Variants in LRRC7 observed in about 807,000 individuals in gnomAD.
LRRC7 encodes leucine rich repeat containing 7.
In LRRC7, 23 loss-of-function variants were observed where a neutral mutation model predicts 175.7. The observed-to-expected ratio is 0.13, with a 90% CI of 0.09 to 0.19. The LOEUF (loss-of-function observed/expected upper bound fraction) is 0.19, where lower values mean the gene tolerates loss of function less well. Ranked by LOEUF, LRRC7 falls within the 10% of genes least tolerant of loss-of-function variation. The pLI is 1.00. For synonymous variants in LRRC7, 685 were observed against 680.9 expected (o/e 1.01, Z -0.09); for missense variants, 1,354 against 1,904.7 (o/e 0.71, Z 5.38).
intron 1 of LRRC7, among the ~76,000 whole-genome samples, chr1:69,600,360 G>A (rs2100990368): frequency 6.6e-6 from 1 of 152,176 alleles, no homozygotes; most frequent in South Asian, 2.1e-4. Context: ...TGTTGCCATA[G>A]GCTCCTCTTG....
At chr1:70,087,379 A>G (rs1272506272) in intron 24 of LRRC7, among the ~76,000 whole-genome samples, 2 of 152,202 alleles carry the variant, frequency 1.3e-5, no homozygotes, top group Non-Finnish European at 2.9e-5. Context: ...AAATGTTCAC[A>G]TTAGAAAGAT....
At chr1:69,712,626 C>T (rs1174879917) in intron 2 of LRRC7, among the ~76,000 whole-genome samples, 1 of 151,662 alleles carries the variant, frequency 6.6e-6, no homozygotes, top group African/African-American at 2.4e-5. Flanking sequence ...AAACCAACAA[C>T]AAAAAAAGAA....
intron 1 of LRRC7, among the ~76,000 whole-genome samples, chr1:69,663,763 G>A (rs570922006): frequency 1.1e-4 from 14 of 126,748 alleles, no homozygotes; most frequent in Admixed American, 5.0e-4. Context: ...CGCCCAGGCC[G>A]GACTGCCGAC....
intron 2 of LRRC7, among the ~76,000 whole-genome samples, chr1:69,759,818 TG>T (rs1456657152): frequency 1.3e-5 from 2 of 152,046 alleles, no homozygotes; most frequent in Non-Finnish European, 2.9e-5. Context: ...TGTTCTACAC[TG>T]TAATTTGTGT....
intron 1 of LRRC7, among the ~76,000 whole-genome samples, chr1:69,570,158 T>C (rs910583311): frequency 6.6e-6 from 1 of 152,036 alleles, no homozygotes; most frequent in African/African-American, 2.4e-5. Flanking sequence ...TAGAGATTTT[T>C]ATAGCGTGGG....
chr1:69,833,420 G>A (rs1242857795), intron 5 of LRRC7, among the ~76,000 whole-genome samples: 1 of 152,062 alleles, frequency 6.6e-6, no homozygotes, highest in African/African-American at 2.4e-5. Flanking sequence ...GATGTAGACA[G>A]GGAGGGACAC....
intron 9 of LRRC7, 88 bp downstream of exon 9, chr1:69,980,541 A>G (rs1267075555): frequency 3.7e-6 from 4 of 1,089,030 alleles, no homozygotes; most frequent in Non-Finnish European, 5.4e-6. Flanking sequence ...AAATTTCAGT[A>G]TTTGTGTTTC....
intron 4 of LRRC7, among the ~76,000 whole-genome samples, chr1:69,792,994 A>G (rs946099378): frequency 6.6e-6 from 1 of 152,098 alleles, no homozygotes; most frequent in Non-Finnish European, 1.5e-5. Context: ...CAATGAGGAT[A>G]TAAAATAGGA....
intron 2 of LRRC7, among the ~76,000 whole-genome samples, chr1:69,719,570 A>G (rs983228515): frequency 2.0e-5 from 3 of 151,766 alleles, no homozygotes; most frequent in Middle Eastern, 6.8e-3. Context: ...TTATAGACTT[A>G]ATTTTCATAA....
intron 8 of LRRC7, 36 bp downstream of exon 8, chr1:69,931,606 C>G (rs1423034987): frequency 6.7e-7 from 1 of 1,498,008 alleles, no homozygotes; most frequent in Non-Finnish European, 9.3e-7. Context: ...GATAAATACC[C>G]TTCAGGAGAT....
rs79916519 is a variant in LRRC7 at position 70,137,675 on chromosome 1, A to G, written c.*15788A>G. Reference sequence around the variant, plus strand: ...GTATAAAAACTAAAGAATGCCTGGAACTATGCAGACATAGATCAAGTCTCA... The same window carrying G: ...GTATAAAAACTAAAGAATGCCTGGAGCTATGCAGACATAGATCAAGTCTCA... On this transcript the variant is annotated 3_prime_UTR_variant, in exon 27 of 27. Transcript: ENST00000651989. 6.6e-6 allele frequency among the ~76,000 whole-genome samples: 1 copy of G among 152,244 alleles called. No homozygotes were observed. The highest frequency in any genetic ancestry group is 1.5e-5 in the Non-Finnish European group (1 of 68,036).
chr1:69,785,057 T>C (rs1273477392), intron 3 of LRRC7, among the ~76,000 whole-genome samples: 1 of 152,160 alleles, frequency 6.6e-6, no homozygotes, highest in Admixed American at 6.5e-5. Context: ...ATGTGTCCTG[T>C]AGAACAAGCT....
intron 7 of LRRC7, among the ~76,000 whole-genome samples, chr1:69,876,080 T>G (rs990266450): frequency 6.6e-6 from 1 of 152,172 alleles, no homozygotes; most frequent in Non-Finnish European, 1.5e-5. Flanking sequence ...AGCCAGTTGT[T>G]ATGCCTTTTA....
chr1:69,750,840 C>G (rs1482671924), intron 2 of LRRC7, among the ~76,000 whole-genome samples: 1 of 152,184 alleles, frequency 6.6e-6, no homozygotes, highest in Non-Finnish European at 1.5e-5. Context: ...GACTTAGTCA[C>G]TTCTCAGAAG....
chr1:69,747,160 G>A (rs914277005), intron 2 of LRRC7, among the ~76,000 whole-genome samples: 7 of 152,144 alleles, frequency 4.6e-5, no homozygotes, highest in Admixed American at 3.3e-4. Flanking sequence ...CTCTGAGGTA[G>A]TGACGTTTAG....
intron 24 of LRRC7, among the ~76,000 whole-genome samples, chr1:70,088,365 C>T (rs761877238): frequency 5.3e-5 from 8 of 151,794 alleles, no homozygotes; most frequent in Non-Finnish European, 1.0e-4. Flanking sequence ...GAGACTAGCC[C>T]GGGCAACACA....
At chr1:69,919,574 C>A in intron 7 of LRRC7, 1 of 800,000 alleles carries the variant, frequency 1.3e-6, no homozygotes. Context: ...GACCTGGCGG[C>A]AGGAAATCAC....
chr1:70,134,842 T>G lies in LRRC7; in HGVS notation c.*12955T>G, dbSNP rs1352828202. Among the ~76,000 whole-genome samples, 2 of 152,208 alleles carry G rather than the reference T, an allele frequency of 1.3e-5. No individual in the cohort carries two copies. Among genetic ancestry groups the G allele is most frequent in the African/African-American group, 4.8e-5 (2 of 41,444 alleles). Reference sequence around the variant, plus strand: ...AAATATCTCCTTAACAAATTTAAATTGTACACAACAGTGCCACCCATTTTA... The same window carrying G: ...AAATATCTCCTTAACAAATTTAAATGGTACACAACAGTGCCACCCATTTTA... On this transcript the variant is annotated 3_prime_UTR_variant, in exon 27 of 27. Coordinates refer to ENST00000651989, the MANE Select transcript of LRRC7 (RefSeq NM_001370785.2).
At chr1:69,780,640 T>C (rs1023560353) in intron 3 of LRRC7, among the ~76,000 whole-genome samples, 2 of 130,262 alleles carry the variant, frequency 1.5e-5, no homozygotes, top group Admixed American at 1.6e-4. Flanking sequence ...TTGGCTCTTT[T>C]CTAACAAAAA....
Sources: gnomAD v4.1 joint callset for allele counts (sites outside exome capture counted in the v4.1 genomes callset) on GRCh38, gnomAD v4.1.1 for gene constraint, MANE v1.5 for transcripts, NCBI Gene and HGNC (gene_info 2026-07-23, HGNC 2026-07-21) for gene names.